NLGN1: variants seen among roughly 807,000 people sequenced by gnomAD.
NLGN1 encodes neuroligin-1.
Under a neutral mutation model 65.5 loss-of-function variants are expected in NLGN1, and 12 were observed. That is an observed-to-expected ratio of 0.18 (90% CI 0.12 to 0.30). NLGN1 has a LOEUF of 0.30. NLGN1 is among the 10% of genes least tolerant of loss of function. The pLI, the probability that NLGN1 is intolerant of heterozygous loss-of-function variation, is 1.00. For synonymous variants in NLGN1, 350 were observed against 359.5 expected (o/e 0.97, Z 0.30); for missense variants, 750 against 1,007.1 (o/e 0.74, Z 3.46).
intron 2 of NLGN1, among the ~76,000 whole-genome samples, chr3:173,577,656 A>G (rs150184091): frequency 4.2e-4 from 64 of 152,314 alleles, no homozygotes; most frequent in Non-Finnish European, 7.8e-4. Context: ...TAGTTTTGTC[A>G]TTCTGTTTAA....
chr3:173,741,083 T>C (rs576000604), intron 3 of NLGN1, among the ~76,000 whole-genome samples: 1 of 152,202 alleles, frequency 6.6e-6, no homozygotes, highest in Non-Finnish European at 1.5e-5. Flanking sequence ...GGAAGTTTGA[T>C]TTAGTCAACA....
At chr3:174,090,766 A>G (rs530639983) in intron 4 of NLGN1, among the ~76,000 whole-genome samples, 36 of 151,934 alleles carry the variant, frequency 2.4e-4, no homozygotes, top group African/African-American at 7.5e-4. Flanking sequence ...TGTTATGGCA[A>G]TCTTCCAGAA....
intron 4 of NLGN1, among the ~76,000 whole-genome samples, chr3:174,133,381 C>T (rs371519669): frequency 9.5e-4 from 144 of 152,306 alleles, no homozygotes; most frequent in Middle Eastern, 6.8e-3. Context: ...AAACTCCTCC[C>T]ATTTAATCTT....
chr3:173,849,585 A>C (rs1292832183), intron 4 of NLGN1, among the ~76,000 whole-genome samples: 1 of 152,210 alleles, frequency 6.6e-6, no homozygotes, highest in African/African-American at 2.4e-5. Context: ...TTTAGGTATG[A>C]GTATCATCCT....
chr3:174,063,992 A>G (rs1197054723), intron 4 of NLGN1, among the ~76,000 whole-genome samples: 1 of 152,130 alleles, frequency 6.6e-6, no homozygotes, highest in African/African-American at 2.4e-5. Flanking sequence ...AAATACAAAA[A>G]TTAGCCAGGC....
chr3:173,477,357 A>G (rs781397729), intron 2 of NLGN1, among the ~76,000 whole-genome samples: 2 of 152,060 alleles, frequency 1.3e-5, no homozygotes, highest in African/African-American at 2.4e-5. Context: ...CCTTGGCAAC[A>G]TAGTGAGACC....
the NLGN1 span, among the ~76,000 whole-genome samples, chr3:174,292,511 T>C: frequency 6.8e-6 from 1 of 147,184 alleles, no homozygotes; most frequent in Non-Finnish European, 1.5e-5. Flanking sequence ...AAGTGAATAA[T>C]AATTAAAAAG....
At chr3:173,656,386 A>G (rs1186781971) in intron 3 of NLGN1, among the ~76,000 whole-genome samples, 1 of 152,080 alleles carries the variant, frequency 6.6e-6, no homozygotes, top group Non-Finnish European at 1.5e-5. Flanking sequence ...GGTGGTTCCT[A>G]CCTACACAGA....
chr3:173,539,640 A>AGTATATATGTATATATG lies in NLGN1; in HGVS notation c.-320-64639_-320-64638insGTATATATGTATATATG, dbSNP rs1553879342. On this transcript the variant is annotated intron_variant, in intron 2 of 6. Transcript: ENST00000457714. ...ATTATATATTTATATATACACATAT[A>AGTATATATGTATATATG]TACATATATAACATATGTGTATATA... is the stretch of plus-strand genomic sequence containing the variant. Among the ~76,000 whole-genome samples, 3 of 111,770 alleles carry AGTATATATGTATATATG rather than the reference A, an allele frequency of 2.7e-5. No individual in the cohort carries two copies. In the East Asian group the frequency reaches 6.5e-4, roughly 24 times the overall value. 73.3% of individuals were successfully genotyped at this position (111,770 alleles called of 152,430 possible).
intron 2 of NLGN1, among the ~76,000 whole-genome samples, chr3:173,466,317 T>C (rs1724346614): frequency 6.6e-6 from 1 of 152,166 alleles, no homozygotes; most frequent in African/African-American, 2.4e-5. Context: ...ACTCTTGTGT[T>C]ATATACAGTG....
At chr3:173,450,309 C>T (rs1721245378) in intron 2 of NLGN1, among the ~76,000 whole-genome samples, 1 of 152,088 alleles carries the variant, frequency 6.6e-6, no homozygotes. Flanking sequence ...TTTTATTTCT[C>T]CTTCACTTAT....
intron 4 of NLGN1, among the ~76,000 whole-genome samples, chr3:174,015,598 G>C (rs545126649): frequency 6.6e-6 from 1 of 152,198 alleles, no homozygotes; most frequent in African/African-American, 2.4e-5. Flanking sequence ...TCATTGCACT[G>C]TGTATAAAAA....
At position 174,189,419 on chromosome 3, in the gene NLGN1, C is replaced by A. The variant is rs182425638; in HGVS notation, c.647-85896C>A. On this transcript the variant is annotated intron_variant, in intron 4 of 6. Transcript: ENST00000457714. ...ATTAATAATGAATTCAACCACCAAC[C>A]AATTTGAGTAATTGTCAGTAATCAG... is the stretch of plus-strand genomic sequence containing the variant. Among the ~76,000 whole-genome samples, 777 of 152,034 alleles carry A rather than the reference C, an allele frequency of 5.1e-3. 6 individuals are homozygous for A. The highest frequency in any genetic ancestry group is 8.1e-3 in the Non-Finnish European group (548 of 67,906).
At chr3:173,472,559 A>G (rs1260886988) in intron 2 of NLGN1, among the ~76,000 whole-genome samples, 2 of 152,022 alleles carry the variant, frequency 1.3e-5, no homozygotes, top group African/African-American at 4.8e-5. Context: ...AACTCTCAGT[A>G]TCTAGTATTG....
chr3:174,207,121 A>T (rs185523157), intron 4 of NLGN1, among the ~76,000 whole-genome samples: 1 of 151,844 alleles, frequency 6.6e-6, no homozygotes, highest in East Asian at 1.9e-4. Flanking sequence ...TTCTTCTTCC[A>T]GAGTGGTGAG....
chr3:173,406,699 C>T lies in NLGN1; in HGVS notation c.-390+8212C>T, dbSNP rs1406902054. The stretch of plus-strand genomic sequence containing the variant: ...TACCGTGCATTTCCACAGACAACAG[C>T]GTTTCTTCCCTGTATTGTATTTGAA... On this transcript the variant is annotated intron_variant, in intron 1 of 6. Coordinates refer to ENST00000457714, the Ensembl canonical transcript of NLGN1. 3.3e-5 allele frequency among the ~76,000 whole-genome samples: 5 copies of T among 151,860 alleles called. No individual in the cohort carries two copies. The South Asian group carries it at 6.2e-4, about 19-fold the overall frequency.
chr3:173,531,068 A>G (rs186850838), intron 2 of NLGN1, among the ~76,000 whole-genome samples: 111 of 152,168 alleles, frequency 7.3e-4, no homozygotes, highest in Admixed American at 2.2e-3. Flanking sequence ...AGAATATACA[A>G]TTACTTTATT....
chr3:173,508,883 C>T (rs1479942875), intron 2 of NLGN1, among the ~76,000 whole-genome samples: 2 of 151,706 alleles, frequency 1.3e-5, no homozygotes, highest in African/African-American at 2.4e-5. Flanking sequence ...TTTTCTTGGT[C>T]CACCTGTTCA....
At chr3:174,024,869 ACTTTAAAT>A (rs1193333663) in intron 4 of NLGN1, among the ~76,000 whole-genome samples, 3 of 152,196 alleles carry the variant, frequency 2.0e-5, no homozygotes. Context: ...GGCATCTTTC[ACTTTAAAT>A]CTTTAAAATA....
Sources: gnomAD v4.1 joint callset for allele counts (sites outside exome capture counted in the v4.1 genomes callset) on GRCh38, gnomAD v4.1.1 for gene constraint, MANE v1.5 for transcripts, NCBI Gene and HGNC (gene_info 2026-07-23, HGNC 2026-07-21) for gene names.